The following SLC6A16 variants were observed in gnomAD, a reference collection of about 807,000 sequenced individuals.
SLC6A16 encodes solute carrier family 6 member 16.
A neutral mutation model predicts 65.4 loss-of-function variants in SLC6A16; 54 were observed. That is an observed-to-expected ratio of 0.83 (90% CI 0.66 to 1.04). The LOEUF is 1.04. Ranked by LOEUF, SLC6A16 falls within the 50% of genes least tolerant of loss-of-function variation. The probability of loss-of-function intolerance (pLI) is 0.00; values close to 1 mark genes in which losing one functional copy is unlikely to be tolerated. For missense variants in SLC6A16, 816 were observed against 914.0 expected (o/e 0.89, Z 1.38); for synonymous variants, 330 against 346.5 (o/e 0.95, Z 0.53).
chr19:49,325,934 C>T (rs770868612), upstream of SLC6A16, among the ~76,000 whole-genome samples: 1 of 151,538 alleles, frequency 6.6e-6, no homozygotes, highest in African/African-American at 2.4e-5. Context: ...GAGGCCAAGG[C>T]GGGTGGATCA....
intron 8 of SLC6A16, 128 bp downstream of exon 8, chr19:49,294,239 T>C (rs1254735425): frequency 1.0e-6 from 1 of 979,680 alleles, no homozygotes; most frequent in Non-Finnish European, 1.5e-6. Flanking sequence ...TAGTACTTTG[T>C]ATTACTGAGA....
At chr19:49,323,553 C>A (rs781677317) in intron 1 of SLC6A16, among the ~76,000 whole-genome samples, 1 of 152,126 alleles carries the variant, frequency 6.6e-6, no homozygotes, top group Non-Finnish European at 1.5e-5. Context: ...GGGCAAAAGA[C>A]TTAAATAGAC....
In SLC6A16 at chr19:49,310,837, C is replaced by G. The variant is rs1162348124; in HGVS notation, c.415+96G>C. 5 of 983,864 alleles carry G rather than the reference C, an allele frequency of 5.1e-6. No homozygotes were observed. The African/African-American group carries it at 6.5e-5, about 13-fold the overall frequency. 60.9% of individuals were successfully genotyped at this position (983,864 alleles called of 1,614,324 possible). Reference sequence around the variant, plus strand: ...CTGCTCAGAGCACCAGGTCTTTAGTCTCTACATATCTCAGAAACATTCATG... The same window carrying G: ...CTGCTCAGAGCACCAGGTCTTTAGTGTCTACATATCTCAGAAACATTCATG... On this transcript the variant is annotated intron_variant, in intron 2 of 11. Coordinates refer to ENST00000335875, the MANE Select transcript of SLC6A16 (RefSeq NM_014037.3).
At chr19:49,335,908 C>A in the SLC6A16 span, 2 of 781,898 alleles carry the variant, frequency 2.6e-6, no homozygotes, top group South Asian at 3.0e-5. The surrounding 1 kb of genome is among the most constrained non-coding windows in gnomAD (Gnocchi z 4.6). Flanking sequence ...CTCCCATCCA[C>A]TGCTCACCGG....
chr19:49,294,078 C>A lies in SLC6A16; in HGVS notation c.1417-50G>T, dbSNP rs1555774409. 67 of 1,469,814 alleles carry A rather than the reference C, an allele frequency of 4.6e-5. No homozygotes were observed. In the Admixed American group the frequency reaches 5.2e-4, roughly 11 times the overall value. The allele number at this position is 1,469,814 out of a possible 1,614,324, so 91.0% of individuals were successfully genotyped here. On this transcript the variant is annotated intron_variant, in intron 8 of 11. Coordinates refer to ENST00000335875, the MANE Select transcript of SLC6A16 (RefSeq NM_014037.3). ...AAAGTGTCATTGAACTAAACAATAA[C>A]AAAAAAATATAGACAAGTATACATT...
chr19:49,311,094 G>T lies in SLC6A16; in HGVS notation c.254C>A (p.Thr85Lys), dbSNP rs375834057. ...LTASALNQKP[T>K]HEKVQMTEKK... ...CTCTGTCATCTGCACCTTCTCATGC[G>T]TGGGTTTCTGGTTCAGGGCTGAGGC... The change falls in exon 2 of 12, where the codon ACG becomes AAG. Residue 85 changes from threonine (T) to lysine (K), a missense_variant. Coordinates refer to ENST00000335875, the MANE Select transcript of SLC6A16 (RefSeq NM_014037.3). The T allele has an allele frequency of 3.1e-6, 5 of 1,614,186 alleles. No individual in the cohort carries two copies. Among genetic ancestry groups the T allele is most frequent in the South Asian group, 2.2e-5 (2 of 91,086 alleles).
the SLC6A16 span, chr19:49,339,353 G>A: frequency 5.2e-3 from 8,314 of 1,614,036 alleles, 174 homozygotes; most frequent in African/African-American, 0.059. The surrounding 1 kb of genome is among the most constrained non-coding windows in gnomAD (Gnocchi z 4.5). Flanking sequence ...GCCTCCAGAA[G>A]TGGCTGCACA....
chr19:49,319,451 A>T (rs1388714084), intron 1 of SLC6A16, among the ~76,000 whole-genome samples: 1 of 149,978 alleles, frequency 6.7e-6, no homozygotes, highest in Non-Finnish European at 1.5e-5. Context: ...ATACATATAC[A>T]TATACATATG....
At chr19:49,337,733 G>A in the SLC6A16 span, 2 of 1,536,106 alleles carry the variant, frequency 1.3e-6, no homozygotes, top group East Asian at 2.4e-5. Context: ...TGAAAGAAGA[G>A]ACAGAGACTT....
the SLC6A16 span, chr19:49,331,760 A>T: frequency 2.2e-6 from 1 of 457,314 alleles, no homozygotes; most frequent in Non-Finnish European, 4.4e-6. Flanking sequence ...CACCCATTCC[A>T]TTGGCCCAAG....
chr19:49,300,265 G>C (rs1447130862), intron 7 of SLC6A16, among the ~76,000 whole-genome samples: 1 of 152,122 alleles, frequency 6.6e-6, no homozygotes, highest in African/African-American at 2.4e-5. Context: ...TTGAACCCAG[G>C]AGGCAAAGGA....
chr19:49,329,290 T>G (rs1465569252), upstream of SLC6A16, among the ~76,000 whole-genome samples: 1 of 152,056 alleles, frequency 6.6e-6, no homozygotes, highest in African/African-American at 2.4e-5. Context: ...GGTTTCACTA[T>G]GTTGGTCAGG....
the SLC6A16 span, chr19:49,338,030 G>GT: frequency 2.9e-5 from 47 of 1,613,534 alleles, no homozygotes; most frequent in Non-Finnish European, 4.0e-5. This position sits in a 1 kb window ranked among gnomAD's most constrained non-coding sequence, Gnocchi z 5.0. Context: ...GCAGTTCCAG[G>GT]TAAGCCCCCC....
At chr19:49,306,996 T>C (rs1378042616) in intron 7 of SLC6A16, among the ~76,000 whole-genome samples, 1 of 150,936 alleles carries the variant, frequency 6.6e-6, no homozygotes, top group Non-Finnish European at 1.5e-5. Flanking sequence ...ATTCTAGTTC[T>C]TAATACAGGT....
chr19:49,293,098 C>T, intron 10 of SLC6A16, 125 bp downstream of exon 10: 1 of 766,714 alleles, frequency 1.3e-6, no homozygotes, highest in East Asian at 2.6e-5. Context: ...AAAAGATTTC[C>T]CAGAAGACTC....
intron 1 of SLC6A16, among the ~76,000 whole-genome samples, chr19:49,319,050 T>C (rs1376236234): frequency 6.6e-6 from 1 of 151,666 alleles, no homozygotes; most frequent in Non-Finnish European, 1.5e-5. Context: ...CTTCTAGAGA[T>C]GATACAACAC....
At chr19:49,336,354 G>A in the SLC6A16 span, 13 of 158,354 alleles carry the variant, frequency 8.2e-5, no homozygotes, top group East Asian at 1.1e-3. Flanking sequence ...TCAGGAGTTC[G>A]AGAATAGCCT....
rs923084602 is a variant in SLC6A16, at chr19:49,308,942, A to C, written c.1163T>G (p.Phe388Cys). Reference protein sequence around the residue: ...SVINLLTLLVFTSFNFCVLGF... With the variant: ...SVINLLTLLVCTSFNFCVLGF... The stretch of plus-strand genomic sequence containing the variant: ...CAGGACACAGAAGTTGAAAGATGTG[A>C]AAACCAACAAAGTGAGCAGGTTTAT... Residue 388 changes from phenylalanine to cysteine, a missense_variant, in exon 7 of 12, where the codon TTC becomes TGC. By Grantham distance (205) the Phe-to-Cys change is radical (BLOSUM62 -2). Transcript: ENST00000335875. 6.2e-7 allele frequency: 1 copy of C among 1,614,186 alleles called. No individual in the cohort carries two copies. Among genetic ancestry groups the C allele is most frequent in the Non-Finnish European group, 8.5e-7 (1 of 1,180,042 alleles).
intron 7 of SLC6A16, 75 bp from the exon 8 acceptor site, chr19:49,294,628 G>T: frequency 7.6e-7 from 1 of 1,320,316 alleles, no homozygotes; most frequent in Non-Finnish European, 1.0e-6. Context: ...TTATCTTCAA[G>T]ATAAAAAAGG....
Sources: gnomAD v4.1 joint callset for allele counts (sites outside exome capture counted in the v4.1 genomes callset) on GRCh38, gnomAD v4.1.1 for gene constraint, Gnocchi (gnomAD v3.1) non-coding constraint, MANE v1.5 for transcripts, NCBI Gene and HGNC (gene_info 2026-07-23, HGNC 2026-07-21) for gene names.